Variants in DGKH observed in about 807,000 individuals in gnomAD.
The protein encoded by DGKH is diacylglycerol kinase eta.
In DGKH, 90 loss-of-function variants were observed where a neutral mutation model predicts 159.3. That is an observed-to-expected ratio of 0.57 (90% CI 0.48 to 0.67). The LOEUF is 0.67. Among genes scored for constraint, DGKH ranks in the 30% least tolerant of loss-of-function variants. The pLI is 0.00. For missense variants in DGKH, 1,181 were observed against 1,506.1 expected, an observed-to-expected ratio of 0.78 and a Z score of 3.57; for synonymous variants, 536 against 553.8, an observed-to-expected ratio of 0.97 and a Z score of 0.45.
intron 7 of DGKH, among the ~76,000 whole-genome samples, chr13:42,161,903 A>G (rs1283660418): frequency 6.6e-6 from 1 of 152,192 alleles, no homozygotes; most frequent in Non-Finnish European, 1.5e-5. Flanking sequence ...AAAAAAAATC[A>G]GTAGTTTTTA....
intron 11 of DGKH, among the ~76,000 whole-genome samples, 200 bp from the exon 12 acceptor site, chr13:42,173,860 C>A: frequency 6.6e-6 from 1 of 151,972 alleles, no homozygotes; most frequent in Non-Finnish European, 1.5e-5. Flanking sequence ...ATTATAAATT[C>A]AACATTTTAT....
At position 42,209,049 on chromosome 13, in the gene DGKH, C is replaced by G. The variant is rs1265056869; in HGVS notation, c.2692C>G (p.Leu898Val). Residue 898 changes from leucine (L) to valine (V), a missense_variant, in exon 22 of 30, where the codon CTG becomes GTG. By Grantham distance (32) the Leu-to-Val change is conservative. Transcript: ENST00000337343. ...AATGGCAGTTTCAAGGGTCATTAAA[C>G]TGCAGCATCATCGAATAGCCCAGGT... is the stretch of plus-strand genomic sequence containing the variant. Reference protein sequence around the residue: ...MQMAVSRVIKLQHHRIAQCRT... With the variant: ...MQMAVSRVIKVQHHRIAQCRT... 1.9e-6 allele frequency: 3 copies of G among 1,610,854 alleles called. No homozygotes were observed. Among genetic ancestry groups the G allele is most frequent in the Non-Finnish European group, 2.5e-6 (3 of 1,178,540 alleles).
At chr13:42,190,291 A>C in intron 15 of DGKH, 112 bp from the exon 16 acceptor site, 1 of 1,306,322 alleles carries the variant, frequency 7.7e-7, no homozygotes, top group East Asian at 2.7e-5. Context: ...TTTATTTGTG[A>C]ATCTGGAATT....
intron 1 of DGKH, among the ~76,000 whole-genome samples, chr13:42,087,746 A>ATTTT (rs56389215): frequency 4.9e-5 from 7 of 142,370 alleles, no homozygotes; most frequent in South Asian, 2.2e-4. Flanking sequence ...TGCACTGCTC[A>ATTTT]TTTTTTTTTT....
intron 13 of DGKH, among the ~76,000 whole-genome samples, chr13:42,182,104 C>T (rs944268324): frequency 1.3e-5 from 2 of 151,272 alleles, no homozygotes; most frequent in African/African-American, 4.9e-5. Flanking sequence ...GGCAGCTGAG[C>T]TGCTGGTGCT....
rs1044883165 is a variant in DGKH, at chr13:42,189,201, G to A, written c.1804G>A (p.Asp602Asn). 6.2e-7 allele frequency: 1 copy of A among 1,614,226 alleles called. No homozygotes were observed. Among genetic ancestry groups the A allele is most frequent in the Non-Finnish European group, 8.5e-7 (1 of 1,180,042 alleles). ...LGESKEQLGDDVTKPSSQKAV... is the reference protein window; with the variant it reads ...LGESKEQLGDNVTKPSSQKAV... ...TGAAAGCAAAGAGCAGCTTGGGGAT[G>A]ACGTTACAAAACCTTCCTCCCAGAA... is the stretch of plus-strand genomic sequence containing the variant. The change falls in exon 15 of 30, where the codon GAC (aspartate) becomes AAC (asparagine). Residue 602 changes from aspartate (D) to asparagine (N), a missense_variant. Coordinates refer to ENST00000337343, the MANE Select transcript of DGKH (RefSeq NM_178009.5).
intron 1 of DGKH, among the ~76,000 whole-genome samples, chr13:42,116,981 G>T (rs911918731): frequency 6.6e-6 from 1 of 152,058 alleles, no homozygotes; most frequent in Admixed American, 6.6e-5. Flanking sequence ...TAGGTTATTG[G>T]ATTCCAGTTG....
chr13:42,041,341 T>C (rs918229831), intron 1 of DGKH, among the ~76,000 whole-genome samples: 4 of 151,950 alleles, frequency 2.6e-5, no homozygotes, highest in Non-Finnish European at 5.9e-5. Flanking sequence ...GGCGCGCAGG[T>C]TCCCGGGGAC....
At chr13:42,085,886 C>G (rs1954291261) in intron 1 of DGKH, among the ~76,000 whole-genome samples, 1 of 152,092 alleles carries the variant, frequency 6.6e-6, no homozygotes, top group South Asian at 2.1e-4. Context: ...TACTGATACT[C>G]ATGCATGATG....
chr13:42,253,948 G>A (rs995882196), intron 30 of DGKH, among the ~76,000 whole-genome samples: 3 of 148,036 alleles, frequency 2.0e-5, no homozygotes, highest in African/African-American at 7.5e-5. Context: ...CCATAATAAT[G>A]TTATATTGTT....
chr13:42,068,143 C>A (rs1396072315), intron 1 of DGKH, among the ~76,000 whole-genome samples: 1 of 152,116 alleles, frequency 6.6e-6, no homozygotes, highest in East Asian at 1.9e-4. Context: ...TTAGGATAAA[C>A]TGACATAGAT....
Position 42,188,774 on chromosome 13 carries a change from A to G in DGKH, c.1639-262A>G, listed in dbSNP as rs577536070. Among the ~76,000 whole-genome samples the G allele has an allele frequency of 7.9e-5, 12 of 152,346 alleles. No homozygotes were observed. In the South Asian group the frequency reaches 2.1e-3, roughly 26 times the overall value. On this transcript the variant is annotated intron_variant, in intron 14 of 29. Transcript: ENST00000337343. ...AACTTAAAAAATTATAAATTATTTC[A>G]TGTAGTAAACATCAATAAAGCCATT...
intron 26 of DGKH, among the ~76,000 whole-genome samples, chr13:42,216,354 T>C (rs1957794527): frequency 2.0e-5 from 3 of 152,220 alleles, no homozygotes; most frequent in Admixed American, 1.3e-4. Context: ...CTGTTATCAC[T>C]GTGTGGAAGG....
chr13:42,198,886 C>T (rs890333142), intron 18 of DGKH, among the ~76,000 whole-genome samples: 24 of 152,260 alleles, frequency 1.6e-4, no homozygotes, highest in African/African-American at 5.5e-4. Flanking sequence ...CCCTTTACCT[C>T]CTTTCTTCTC....
intron 13 of DGKH, chr13:42,181,590 C>G (rs556936922): frequency 2.8e-5 from 8 of 282,168 alleles, no homozygotes; most frequent in African/African-American, 1.3e-4. Flanking sequence ...AAGGCTGCTG[C>G]TGCTGTGCAG....
chr13:42,142,846 G>A (rs1229233834), intron 3 of DGKH, among the ~76,000 whole-genome samples: 9 of 152,140 alleles, frequency 5.9e-5, no homozygotes, highest in East Asian at 1.9e-4. Context: ...CTACAAAAAG[G>A]GACAATTTGA....
At chr13:42,081,665 G>A (rs1954202797) in intron 1 of DGKH, among the ~76,000 whole-genome samples, 1 of 152,106 alleles carries the variant, frequency 6.6e-6, no homozygotes, top group African/African-American at 2.4e-5. Flanking sequence ...TATAACAGTA[G>A]GAGCCACCTC....
intron 16 of DGKH, among the ~76,000 whole-genome samples, chr13:42,191,201 C>T (rs1226747783): frequency 6.6e-6 from 1 of 151,940 alleles, no homozygotes. Flanking sequence ...TTCTAACGTA[C>T]TGGAATAAAA....
chr13:42,202,402 A>G (rs1246424669), intron 20 of DGKH, among the ~76,000 whole-genome samples: 1 of 152,128 alleles, frequency 6.6e-6, no homozygotes, highest in Admixed American at 6.5e-5. Context: ...CTTCCTTTTT[A>G]GCTTTTTACT....
Sources: allele counts gnomAD v4.1 joint callset (sites outside exome capture counted in the v4.1 genomes callset), GRCh38; gene constraint gnomAD v4.1.1; transcripts MANE v1.5; gene names NCBI Gene and HGNC (gene_info 2026-07-23, HGNC 2026-07-21).